The following ZNF717 variants were observed in gnomAD, a reference collection of about 807,000 sequenced individuals.
ZNF717 encodes zinc finger protein 717, also known as krueppel-like factor X17.
ZNF717 carries 9 observed loss-of-function variants against 13.8 expected under a neutral mutation model. That is an observed-to-expected ratio of 0.65 (90% CI 0.39 to 1.14). The LOEUF (loss-of-function observed/expected upper bound fraction) is 1.14. Among genes scored for constraint, ZNF717 ranks in the 50% most tolerant of loss-of-function variants. ZNF717 has a pLI of 0.01. For synonymous variants in ZNF717, 327 were observed against 364.1 expected (o/e 0.90, Z 1.16); for missense variants, 1,040 against 1,080.7 (o/e 0.96, Z 0.53).
chr3:75,764,107 CATCTT>C (rs1170273489), intron 2 of ZNF717, among the ~76,000 whole-genome samples: 1 of 152,200 alleles, frequency 6.6e-6, no homozygotes, highest in Non-Finnish European at 1.5e-5. Context: ...GGAAGGACAA[CATCTT>C]ATCAGGTCCT....
intron 2 of ZNF717, among the ~76,000 whole-genome samples, chr3:75,771,836 CT>C (rs1018137075): frequency 2.6e-5 from 4 of 152,268 alleles, no homozygotes; most frequent in African/African-American, 9.6e-5. Flanking sequence ...GCAAGCCCCC[CT>C]GCCCCTGCAG....
At chr3:75,765,035 A>ATATATATATATATATTTATT (rs1559662069) in intron 2 of ZNF717, among the ~76,000 whole-genome samples, 1 of 81,798 alleles carries the variant, frequency 1.2e-5, no homozygotes, top group Non-Finnish European at 2.8e-5. Context: ...ATATATGTAT[A>ATATATATATATATATTTATT]TGTGTGTGTG....
At chr3:75,702,882 G>A (rs1937724117) in intron 6 of ZNF717, among the ~76,000 whole-genome samples, 1 of 152,310 alleles carries the variant, frequency 6.6e-6, no homozygotes, top group African/African-American at 2.4e-5. Context: ...CAAGAAGAGG[G>A]GTTCATTTAG....
intron 5 of ZNF717, among the ~76,000 whole-genome samples, chr3:75,714,276 C>A (rs1938004860): frequency 6.6e-6 from 1 of 151,932 alleles, no homozygotes; most frequent in African/African-American, 2.4e-5. Flanking sequence ...GGTGCTTTTC[C>A]TTGGCACTGA....
intron 2 of ZNF717, among the ~76,000 whole-genome samples, chr3:75,748,697 T>C (rs1179117389): frequency 6.6e-6 from 1 of 152,098 alleles, no homozygotes; most frequent in Non-Finnish European, 1.5e-5. Flanking sequence ...TATCTAAAAA[T>C]AATAAGAGCT....
chr3:75,715,692 T>C (rs1321977721), intron 5 of ZNF717, among the ~76,000 whole-genome samples: 2 of 152,190 alleles, frequency 1.3e-5, no homozygotes, highest in Non-Finnish European at 2.9e-5. Flanking sequence ...GCCATTAATT[T>C]GAAAACTCTT....
Position 75,738,151 on chromosome 3 carries a change from T to G in ZNF717, c.1472A>C (p.Lys491Thr), listed in dbSNP as rs201966533. The G allele has an allele frequency of 5.1e-6, 7 of 1,373,924 alleles. No individual in the cohort carries two copies. The highest frequency in any genetic ancestry group is 7.1e-6 in the Non-Finnish European group (7 of 988,160). The allele number at this position is 1,373,924 out of a possible 1,614,324, so 85.1% of individuals were successfully genotyped here. The change falls in exon 5 of 5, where the codon AAG becomes ACG. Residue 491 changes from lysine (K) to threonine (T), a missense_variant. By Grantham distance (78) the Lys-to-Thr change is moderately conservative (BLOSUM62 -1). This residue lies in a region of ZNF717 where 873 missense variants were observed against 832.8 expected (regional missense o/e 1.05). Coordinates refer to ENST00000652011, the MANE Select transcript of ZNF717 (RefSeq NM_001290208.3). The stretch of plus-strand genomic sequence containing the variant: ...CCATTGATGGATAGTGAGGAATGAC[T>G]TACGGTGAAACGTTTTCCCACATTC... ...CNECGKTFHR[K>T]SFLTIHQWTH...
chr3:75,757,859 A>G (rs1349358931), intron 2 of ZNF717, among the ~76,000 whole-genome samples: 1 of 151,986 alleles, frequency 6.6e-6, no homozygotes, highest in African/African-American at 2.4e-5. Context: ...TCACGCCTGT[A>G]ATCCCAGCAC....
Position 75,738,421 on chromosome 3 carries a change from C to A in ZNF717, c.1202G>T (p.Gly401Val). Residue 401 changes from glycine (G) to valine (V), a missense_variant, in exon 5 of 5, where the codon GGA becomes GTA. Gly to Val is a moderately radical substitution (Grantham distance 109). Coordinates refer to ENST00000652011, the MANE Select transcript of ZNF717 (RefSeq NM_001290208.3). ...GEKPYQCSECGKTFSQKSYLT... is the reference protein window; with the variant it reads ...GEKPYQCSECVKTFSQKSYLT... ...GTATGACTTCTGGCTAAAGGTTTTT[C>A]CACATTCACTACACTGATAGGGCTT... The A allele has an allele frequency of 2.6e-6, 4 of 1,531,208 alleles. No individual in the cohort carries two copies. Among genetic ancestry groups the A allele is most frequent in the Non-Finnish European group, 3.5e-6 (4 of 1,132,868 alleles). 94.9% of individuals were successfully genotyped at this position (1,531,208 alleles called of 1,614,324 possible).
At chr3:75,731,969 T>G (rs2106917569), downstream of ZNF717, 3 of 675,780 alleles carry the variant, frequency 4.4e-6, no homozygotes, top group East Asian at 8.1e-5. Flanking sequence ...CTATAACTGG[T>G]GAATTGCTGA....
intron 2 of ZNF717, among the ~76,000 whole-genome samples, chr3:75,746,697 T>C (rs1575808425): frequency 6.6e-6 from 1 of 152,204 alleles, no homozygotes; most frequent in Admixed American, 6.6e-5. Flanking sequence ...GAAGTGTCTG[T>C]TCATATCCTT....
At chr3:75,701,855 G>C (rs77606234) in intron 6 of ZNF717, among the ~76,000 whole-genome samples, 39 of 151,900 alleles carry the variant, frequency 2.6e-4, no homozygotes, top group African/African-American at 8.9e-4. Flanking sequence ...AAGAAGACAT[G>C]CAAATGTCAA....
intron 2 of ZNF717, among the ~76,000 whole-genome samples, chr3:75,780,562 C>T (rs551260479): frequency 4.5e-5 from 6 of 134,552 alleles, no homozygotes; most frequent in East Asian, 2.2e-4. Flanking sequence ...CCACCACGCT[C>T]GGCTAATTTT....
chr3:75,756,860 G>C (rs187313164), intron 2 of ZNF717, among the ~76,000 whole-genome samples: 53 of 152,248 alleles, frequency 3.5e-4, no homozygotes, highest in Non-Finnish European at 6.9e-4. Flanking sequence ...ATTTTTAGTA[G>C]AGACGGGGTT....
chr3:75,743,093 T>C (rs1334743386), intron 2 of ZNF717, among the ~76,000 whole-genome samples: 1 of 152,146 alleles, frequency 6.6e-6, no homozygotes, highest in African/African-American at 2.4e-5. Context: ...AATAAAAATA[T>C]ACATATCATG....
chr3:75,756,501 T>C (rs114224065), intron 2 of ZNF717, among the ~76,000 whole-genome samples: 3,197 of 138,538 alleles, frequency 0.023, 70 homozygotes, highest in African/African-American at 0.079. Flanking sequence ...CTTAGCCAAA[T>C]TGTGAATGCA....
chr3:75,696,518 T>G (rs1305726748), intron 6 of ZNF717, among the ~76,000 whole-genome samples: 2 of 152,186 alleles, frequency 1.3e-5, no homozygotes, highest in Non-Finnish European at 2.9e-5. Flanking sequence ...AACAGGTAAT[T>G]CATAATGACC....
chr3:75,738,025 T>C lies in ZNF717; in HGVS notation c.1598A>G (p.Lys533Arg), dbSNP rs1402588359. 1.7e-5 allele frequency: 23 copies of C among 1,342,876 alleles called. No homozygotes were observed. In the African/African-American group the frequency reaches 2.5e-4, roughly 15 times the overall value. The allele number at this position is 1,342,876 out of a possible 1,614,324, so 83.2% of individuals were successfully genotyped here. A position where few individuals can be genotyped will look rare whatever the true frequency, so the allele number is the denominator to read the frequency against. ...TVHQRTHAGE[K>R]PYACNECGKT... is the part of the protein sequence containing the mutation. ...TCCACATTCGTTACATGCGTATGGT[T>C]TTTCCCCAGCATGAGTTCTCTGATG... The change falls in exon 5 of 5, where the codon AAA (lysine) becomes AGA (arginine). Residue 533 changes from lysine (K) to arginine (R), a missense_variant. By Grantham distance (26) the Lys-to-Arg change is conservative. Transcript: ENST00000652011.
rs376570967 is a variant in ZNF717 at position 75,751,311 on chromosome 3, T to C, written c.58-9575A>G. ...AAGAACACTGCTGCTGGGGTCTGAA[T>C]GTTTGTCCCTCACATAGGATTCCAG... On this transcript the variant is annotated intron_variant, in intron 2 of 4. Coordinates refer to ENST00000652011, the MANE Select transcript of ZNF717 (RefSeq NM_001290208.3). 3.1e-3 allele frequency among the ~76,000 whole-genome samples: 464 copies of C among 151,670 alleles called. 7 individuals are homozygous for C. The Middle Eastern group carries it at 0.038, about 12-fold the overall frequency.
Sources: gnomAD v4.1 joint callset for allele counts (sites outside exome capture counted in the v4.1 genomes callset) on GRCh38, gnomAD v4.1.1 for gene constraint, gnomAD v4.1.1 regional missense constraint, MANE v1.5 for transcripts, NCBI Gene and HGNC (gene_info 2026-07-23, HGNC 2026-07-21) for gene names.